The following UQCC2 variants were observed in gnomAD, a reference collection of about 807,000 sequenced individuals.
UQCC2 encodes ubiquinol-cytochrome c reductase complex assembly factor 2.
In UQCC2, 21 loss-of-function variants were observed where a neutral mutation model predicts 19.9. The ratio of observed to expected loss-of-function variants is 1.05; its 90% CI spans 0.75 to 1.52. The LOEUF (loss-of-function observed/expected upper bound fraction) is 1.52. UQCC2 is among the 40% of genes most tolerant of loss of function. The pLI is 0.00. For synonymous variants in UQCC2, 57 were observed against 60.9 expected, an observed-to-expected ratio of 0.94 and a Z score of 0.30; for missense variants, 135 against 157.5, an observed-to-expected ratio of 0.86 and a Z score of 0.76.
chr6:33,708,461 C>G (rs934519050), intron 1 of UQCC2, among the ~76,000 whole-genome samples: 1 of 152,108 alleles, frequency 6.6e-6, no homozygotes, highest in African/African-American at 2.4e-5. Context: ...CTCAGCTGTA[C>G]TAAGGATTAA....
chr6:33,703,088 T>C (rs1161049543), intron 1 of UQCC2, among the ~76,000 whole-genome samples: 1 of 152,264 alleles, frequency 6.6e-6, no homozygotes, highest in Non-Finnish European at 1.5e-5. Context: ...TATGAGGCTG[T>C]GGTCTCCCTG....
intron 1 of UQCC2, among the ~76,000 whole-genome samples, chr6:33,707,549 G>C (rs1006875411): frequency 3.9e-5 from 6 of 152,180 alleles, no homozygotes; most frequent in Non-Finnish European, 5.9e-5. Flanking sequence ...CTTTCAAACT[G>C]GGCCAATATT....
At chr6:33,700,052 G>C (rs1765621023) in intron 3 of UQCC2, among the ~76,000 whole-genome samples, 1 of 152,132 alleles carries the variant, frequency 6.6e-6, no homozygotes, top group Non-Finnish European at 1.5e-5. Flanking sequence ...CTCTTAGGCG[G>C]ATATCCCCAA....
intron 1 of UQCC2, 120 bp downstream of exon 1, chr6:33,711,429 T>C: frequency 7.2e-7 from 1 of 1,396,480 alleles, no homozygotes; most frequent in Non-Finnish European, 9.4e-7. Flanking sequence ...GGGTCCGCGC[T>C]CACGTGCTGC....
intron 1 of UQCC2, among the ~76,000 whole-genome samples, chr6:33,710,046 C>T (rs1473149415): frequency 6.6e-6 from 1 of 152,104 alleles, no homozygotes; most frequent in Non-Finnish European, 1.5e-5. Flanking sequence ...GACCTAGATG[C>T]CCAGGCCAAA....
intron 1 of UQCC2, among the ~76,000 whole-genome samples, chr6:33,704,337 G>A (rs533689215): frequency 1.3e-5 from 2 of 152,226 alleles, no homozygotes; most frequent in East Asian, 1.9e-4. Context: ...CGCATGTACC[G>A]GCAAGGGAGT....
At position 33,697,811 on chromosome 6, in the gene UQCC2, T is replaced by A. The variant is rs551196181; in HGVS notation, c.284-61A>T. On this transcript the variant is annotated intron_variant, in intron 3 of 3. Transcript: ENST00000607484. ...AAGTCTAAAACTTGATGACATAGAT[T>A]GGACCCACTGGGCTTTCCCGACACA... The A allele has an allele frequency of 2.1e-5, 29 of 1,392,644 alleles. No homozygotes were observed. In the African/African-American group the frequency reaches 3.7e-4, roughly 18 times the overall value. The allele number at this position is 1,392,644 out of a possible 1,614,324, so 86.3% of individuals were successfully genotyped here.
In UQCC2 at chr6:33,711,691, G is replaced by C. The variant is rs1765775889; in HGVS notation, c.-5C>G. Reference sequence around the variant, plus strand: ...CCGGTACCGGCTGGCCGCCATCTTGGGCCCCGCGTGTTCCCGCCTTAGCGG... The same window carrying C: ...CCGGTACCGGCTGGCCGCCATCTTGCGCCCCGCGTGTTCCCGCCTTAGCGG... On this transcript the variant is annotated 5_prime_UTR_variant, in exon 1 of 4. Transcript: ENST00000607484. 2 of 1,605,472 alleles carry C rather than the reference G, an allele frequency of 1.2e-6. No individual in the cohort carries two copies. Among genetic ancestry groups the C allele is most frequent in the South Asian group, 2.2e-5 (2 of 90,100 alleles).
intron 3 of UQCC2, chr6:33,698,089 C>T (rs1369086874): frequency 4.5e-6 from 1 of 223,238 alleles, no homozygotes; most frequent in African/African-American, 2.3e-5. Context: ...GTGCAACCCA[C>T]AGACCCAGAT....
At chr6:33,701,523 G>T (rs1479803208) in intron 1 of UQCC2, 103 bp from the exon 2 acceptor site, 4 of 1,127,888 alleles carry the variant, frequency 3.5e-6, no homozygotes, top group Non-Finnish European at 5.0e-6. Context: ...TTCACATGAA[G>T]CAGGCCTGCA....
rs1765564777 is a variant in UQCC2, at chr6:33,696,857, G to A, written c.*796C>T. On this transcript the variant is annotated 3_prime_UTR_variant, in exon 4 of 4. Coordinates refer to ENST00000607484, the MANE Select transcript of UQCC2 (RefSeq NM_032340.4). ...GAGGTTAAGAACCCACTTCCACTTT[G>A]TACCCACCAGGGCCGCTGTGGGCCC... 6.6e-6 allele frequency: 1 copy of A among 152,242 alleles called. No homozygotes were observed. The highest frequency in any genetic ancestry group is 1.5e-5 in the Non-Finnish European group (1 of 68,066). The allele number at this position is 152,242 out of a possible 1,614,324, so 9.4% of individuals were successfully genotyped here.
chr6:33,705,858 C>T (rs1453396239), intron 1 of UQCC2, among the ~76,000 whole-genome samples: 3 of 152,134 alleles, frequency 2.0e-5, no homozygotes, highest in African/African-American at 7.2e-5. Context: ...AGATCACAGA[C>T]GTTTTAGGAC....
chr6:33,703,219 C>T (rs1002960214), intron 1 of UQCC2, among the ~76,000 whole-genome samples: 16 of 152,218 alleles, frequency 1.1e-4, no homozygotes, highest in Admixed American at 1.0e-3. Context: ...CGCTGGAGTG[C>T]AATGGCGTGA....
At chr6:33,705,872 T>C (rs1765692552) in intron 1 of UQCC2, among the ~76,000 whole-genome samples, 1 of 152,200 alleles carries the variant, frequency 6.6e-6, no homozygotes, top group African/African-American at 2.4e-5. Context: ...TTAGGACTAA[T>C]AGCAGTGCTG....
chr6:33,699,163 C>T (rs889132877), intron 3 of UQCC2, among the ~76,000 whole-genome samples: 2 of 152,194 alleles, frequency 1.3e-5, no homozygotes, highest in South Asian at 2.1e-4. Context: ...AAGCCTCTCA[C>T]TACAAGGTGC....
chr6:33,708,494 G>A (rs1305801701), intron 1 of UQCC2, among the ~76,000 whole-genome samples: 2 of 152,198 alleles, frequency 1.3e-5, no homozygotes, highest in Non-Finnish European at 2.9e-5. Flanking sequence ...CGGCAAAGGT[G>A]CACTGTGCAC....
At chr6:33,705,957 C>T (rs946738650) in intron 1 of UQCC2, among the ~76,000 whole-genome samples, 1 of 152,192 alleles carries the variant, frequency 6.6e-6, no homozygotes. Context: ...AATAGATGTT[C>T]ATCTGACGAG....
rs115644681 is a variant in UQCC2, at chr6:33,709,149, C to T, written c.138+2400G>A. Among the ~76,000 whole-genome samples the T allele has an allele frequency of 3.1e-3, 471 of 152,358 alleles. 1 individual carries two copies. The highest frequency in any genetic ancestry group is 0.01 in the Middle Eastern group (3 of 294). ...AGTGAATGTTACGCTCTCTCACCTC[C>T]CCAAGGATGGAGCCGCTGACTGCTC... On this transcript the variant is annotated intron_variant, in intron 1 of 3. Coordinates refer to ENST00000607484, the MANE Select transcript of UQCC2 (RefSeq NM_032340.4).
Position 33,697,315 on chromosome 6 carries a change from C to G in UQCC2, c.*338G>C, listed in dbSNP as rs1765574860. On this transcript the variant is annotated 3_prime_UTR_variant, in exon 4 of 4. Transcript: ENST00000607484. The stretch of plus-strand genomic sequence containing the variant: ...ACAAAAGGGAGCCTGAGTATCTTGC[C>G]AGGAGACACCAGACCCGTGCCAGAG... 1 of 229,026 alleles carries G rather than the reference C, an allele frequency of 4.4e-6. No homozygotes were observed. Among genetic ancestry groups the G allele is most frequent in the Non-Finnish European group, 8.5e-6 (1 of 118,226 alleles). 14.2% of individuals were successfully genotyped at this position (229,026 alleles called of 1,614,324 possible). A position where few individuals can be genotyped will look rare whatever the true frequency, so the allele number is the denominator to read the frequency against.
Sources: gnomAD v4.1 joint callset for allele counts (sites outside exome capture counted in the v4.1 genomes callset) on GRCh38, gnomAD v4.1.1 for gene constraint, MANE v1.5 for transcripts, NCBI Gene and HGNC (gene_info 2026-07-23, HGNC 2026-07-21) for gene names.